Variants in MAP3K5 observed in about 807,000 individuals in gnomAD.
MAP3K5 encodes the protein mitogen-activated protein kinase kinase kinase 5.
In MAP3K5, 56 loss-of-function variants were observed where a neutral mutation model predicts 158.7. The observed-to-expected ratio is 0.35, with a 90% CI of 0.28 to 0.44. MAP3K5 has a LOEUF of 0.44. MAP3K5 is among the 20% of genes least tolerant of loss of function. The probability of loss-of-function intolerance (pLI) is 1.00; values close to 1 mark genes in which losing one functional copy is unlikely to be tolerated. For missense variants in MAP3K5, 1,294 were observed against 1,674.8 expected, an observed-to-expected ratio of 0.77 and a Z score of 3.97; for synonymous variants, 579 against 601.7, an observed-to-expected ratio of 0.96 and a Z score of 0.55.
intron 3 of MAP3K5, among the ~76,000 whole-genome samples, chr6:136,702,263 C>T (rs1381902594): frequency 1.3e-5 from 2 of 152,034 alleles, no homozygotes; most frequent in African/African-American, 4.8e-5. Context: ...ACAACTGGGC[C>T]TGAGCTAAGA....
intron 14 of MAP3K5, among the ~76,000 whole-genome samples, chr6:136,625,994 A>G (rs936684132): frequency 6.6e-6 from 1 of 152,252 alleles, no homozygotes; most frequent in Non-Finnish European, 1.5e-5. Context: ...AGGAAAAATA[A>G]AAACAAACTC....
At chr6:136,658,003 G>C (rs929172484) in intron 9 of MAP3K5, among the ~76,000 whole-genome samples, 1 of 152,228 alleles carries the variant, frequency 6.6e-6, no homozygotes, top group Non-Finnish European at 1.5e-5. Context: ...TGCAGGAGAA[G>C]TGTCAGGTGT....
intron 28 of MAP3K5, 145 bp from the exon 29 acceptor site, chr6:136,559,021 AGG>A (rs778779770): frequency 3.4e-6 from 2 of 596,140 alleles, no homozygotes; most frequent in Non-Finnish European, 5.9e-6. Context: ...CAGGATTATT[AGG>A]GGAAAGGCCT....
intron 1 of MAP3K5, among the ~76,000 whole-genome samples, chr6:136,752,694 G>A (rs1783269912): frequency 6.6e-6 from 1 of 152,222 alleles, no homozygotes; most frequent in South Asian, 2.1e-4. Flanking sequence ...TTATGGGTGT[G>A]AGCCACTGGG....
intron 7 of MAP3K5, among the ~76,000 whole-genome samples, chr6:136,683,857 A>G (rs1780035940): frequency 6.6e-6 from 1 of 152,148 alleles, no homozygotes; most frequent in South Asian, 2.1e-4. Flanking sequence ...ATCTGAAAAA[A>G]TAAGATCTGA....
intron 8 of MAP3K5, among the ~76,000 whole-genome samples, chr6:136,660,394 A>ACAG (rs1429171379): frequency 6.6e-6 from 1 of 152,134 alleles, no homozygotes; most frequent in African/African-American, 2.4e-5. Flanking sequence ...TCATGAAAAA[A>ACAG]AATTTAAAAT....
chr6:136,649,078 T>C (rs1025735544), intron 11 of MAP3K5, among the ~76,000 whole-genome samples: 2 of 152,208 alleles, frequency 1.3e-5, no homozygotes, highest in African/African-American at 4.8e-5. Context: ...CCAGCAATTC[T>C]CCTGCCTCAG....
intron 2 of MAP3K5, among the ~76,000 whole-genome samples, chr6:136,714,158 T>C (rs1012337831): frequency 6.6e-6 from 1 of 152,202 alleles, no homozygotes; most frequent in Non-Finnish European, 1.5e-5. Context: ...GTTTTTTGTT[T>C]GTAAAAACAA....
At chr6:136,588,486 T>TA (rs1418291127) in intron 23 of MAP3K5, among the ~76,000 whole-genome samples, 1 of 152,246 alleles carries the variant, frequency 6.6e-6, no homozygotes, top group African/African-American at 2.4e-5. Flanking sequence ...TTAGCTGTTA[T>TA]TACTATATGT....
At chr6:136,764,473 ACCACC>A (rs1783880570) in intron 1 of MAP3K5, among the ~76,000 whole-genome samples, 1 of 152,130 alleles carries the variant, frequency 6.6e-6, no homozygotes, top group African/African-American at 2.4e-5. Context: ...AACAGCCCAC[ACCACC>A]TTCCAGTCAT....
chr6:136,790,528 G>A (rs1785030391), intron 1 of MAP3K5, among the ~76,000 whole-genome samples: 2 of 152,200 alleles, frequency 1.3e-5, no homozygotes, highest in African/African-American at 2.4e-5. Context: ...ACCAGAACGA[G>A]AAAGTCCTAG....
Position 136,605,309 on chromosome 6 carries a change from T to C in MAP3K5, c.2579A>G (p.Lys860Arg). The change falls in exon 19 of 30, where the codon AAA becomes AGA. Residue 860 changes from lysine to arginine, a missense_variant. By Grantham distance (26) the Lys-to-Arg change is conservative. This residue lies in a region of MAP3K5 where 362 missense variants were observed against 463.2 expected (regional missense o/e 0.78). Coordinates refer to ENST00000359015, the MANE Select transcript of MAP3K5 (RefSeq NM_005923.4). ...GCCCAGAGACCAGATGTCTGCTGCT[T>C]TTCCGTAGCCTCTTGGTCCTTTATC... ...IIDKGPRGYG[K>R]AADIWSLGCT... is the part of the protein sequence containing the mutation. 6.2e-7 allele frequency: 1 copy of C among 1,614,194 alleles called. No homozygotes were observed. Among genetic ancestry groups the C allele is most frequent in the East Asian group, 2.2e-5 (1 of 44,888 alleles).
At chr6:136,632,453 GTTGCAGTGAGCCGAGA>G (rs1171678329) in intron 14 of MAP3K5, among the ~76,000 whole-genome samples, 1 of 152,136 alleles carries the variant, frequency 6.6e-6, no homozygotes, top group African/African-American at 2.4e-5. Flanking sequence ...GGAGGCGGAG[GTTGCAGTGAGCCGAGA>G]TTGCGCCACT....
intron 1 of MAP3K5, among the ~76,000 whole-genome samples, chr6:136,752,609 G>A (rs1005059223): frequency 3.3e-5 from 5 of 151,986 alleles, no homozygotes; most frequent in African/African-American, 9.7e-5. Flanking sequence ...ATGGGGTTTC[G>A]CCATTTTGGC....
chr6:136,733,589 C>CT (rs1278336499), intron 1 of MAP3K5, among the ~76,000 whole-genome samples: 1 of 151,926 alleles, frequency 6.6e-6, no homozygotes. Flanking sequence ...TATGCCTTAA[C>CT]TTTTTTTTGT....
chr6:136,671,270 A>G (rs1036805084), intron 7 of MAP3K5, among the ~76,000 whole-genome samples: 1 of 152,252 alleles, frequency 6.6e-6, no homozygotes, highest in African/African-American at 2.4e-5. Context: ...ATGTGCCAAA[A>G]CCAACCTAAA....
At chr6:136,579,859 C>A (rs1426946719) in intron 25 of MAP3K5, 1 of 456,530 alleles carries the variant, frequency 2.2e-6, no homozygotes, top group Non-Finnish European at 4.4e-6. Context: ...TCTTATTTGG[C>A]TTCAGATGGG....
Position 136,557,728 on chromosome 6 carries a change from A to G in MAP3K5, c.*30T>C. ...GATCAGCTCTGTATTAATTTTTAGA[A>G]TTTCCATCGAAGATTAGATTGAGCA... is the stretch of plus-strand genomic sequence containing the variant. On this transcript the variant is annotated 3_prime_UTR_variant, in exon 30 of 30. Transcript: ENST00000359015. The G allele has an allele frequency of 3.8e-6, 6 of 1,561,994 alleles. No homozygotes were observed. The highest frequency in any genetic ancestry group is 5.3e-6 in the Non-Finnish European group (6 of 1,132,626).
chr6:136,687,451 G>A (rs1780197748), intron 7 of MAP3K5, among the ~76,000 whole-genome samples: 1 of 152,096 alleles, frequency 6.6e-6, no homozygotes, highest in Non-Finnish European at 1.5e-5. Flanking sequence ...AAGAGCTTCT[G>A]CACAGCAAAA....
Sources: gnomAD v4.1 joint callset for allele counts (sites outside exome capture counted in the v4.1 genomes callset) on GRCh38, gnomAD v4.1.1 for gene constraint, gnomAD v4.1.1 regional missense constraint, MANE v1.5 for transcripts, NCBI Gene and HGNC (gene_info 2026-07-23, HGNC 2026-07-21) for gene names.